DGAT2L6: variants seen among roughly 807,000 people sequenced by gnomAD.
DGAT2L6 encodes the protein diacylglycerol O-acyltransferase 2-like protein 6.
A neutral mutation model predicts 25.5 loss-of-function variants in DGAT2L6; 22 were observed. The observed-to-expected ratio is 0.86, with a 90% CI of 0.62 to 1.23. DGAT2L6 has a LOEUF of 1.23. DGAT2L6 is among the 50% of genes most tolerant of loss of function. The pLI, the probability that DGAT2L6 is intolerant of heterozygous loss-of-function variation, is 0.00. For missense variants in DGAT2L6, 287 were observed against 253.2 expected, an observed-to-expected ratio of 1.13 and a Z score of -0.91; for synonymous variants, 100 against 94.7, an observed-to-expected ratio of 1.06 and a Z score of -0.32.
intron 1 of DGAT2L6, among the ~76,000 whole-genome samples, chrX:70,182,409 C>T (rs189907169): frequency 3.8e-3 from 407 of 106,294 alleles, no homozygotes; most frequent in Non-Finnish European, 6.1e-3. Flanking sequence ...CGTCTAACCT[C>T]TGATCTCCAC....
chrX:70,196,495 A>AAAG (rs2085391779), intron 1 of DGAT2L6, among the ~76,000 whole-genome samples: 5 of 106,169 alleles, frequency 4.7e-5, no homozygotes, highest in African/African-American at 1.7e-4. Flanking sequence ...TCAAAAAAAA[A>AAAG]AAAAAAAGAA....
At position 70,204,386 on chromosome X, in the gene DGAT2L6, G is replaced by A. The variant is rs1417690176; in HGVS notation, c.729G>A (p.Arg243=). 5.5e-5 allele frequency: 67 copies of A among 1,209,231 alleles called. No individual in the cohort carries two copies. The highest frequency in any genetic ancestry group is 7.4e-5 in the Non-Finnish European group (66 of 895,009). Residue 243 remains arginine, a synonymous_variant, in exon 6 of 7, where the codon AGG becomes AGA. Coordinates refer to ENST00000333026, the MANE Select transcript of DGAT2L6 (RefSeq NM_198512.3). ...CCTTCCCTGAGGGCACGTGGTTAAG[G>A]TTGTTCCAAAAAACCTTCCAGGACA... ...QETFPEGTWL[R]LFQKTFQDTF...
intron 2 of DGAT2L6, among the ~76,000 whole-genome samples, 188 bp from the exon 3 acceptor site, chrX:70,199,624 C>T (rs1008132895): frequency 6.3e-5 from 7 of 111,486 alleles, no homozygotes; most frequent in African/African-American, 9.8e-5. Flanking sequence ...CCTTTCTGGT[C>T]GGCTCTAGAG....
At chrX:70,194,718 T>C (rs2085385550) in intron 1 of DGAT2L6, among the ~76,000 whole-genome samples, 1 of 112,029 alleles carries the variant, frequency 8.9e-6, no homozygotes, top group South Asian at 3.7e-4. Context: ...TCTTACCTTA[T>C]GACATACACA....
intron 1 of DGAT2L6, among the ~76,000 whole-genome samples, chrX:70,180,042 A>T (rs2085338706): frequency 9.0e-6 from 1 of 111,361 alleles, no homozygotes; most frequent in Non-Finnish European, 1.9e-5. Context: ...GAAGGTGAGG[A>T]TTAGCCTCCA....
intron 1 of DGAT2L6, among the ~76,000 whole-genome samples, chrX:70,194,777 A>C (rs762422375): frequency 7.1e-5 from 8 of 112,017 alleles, no homozygotes; most frequent in Non-Finnish European, 1.5e-4. Flanking sequence ...ACCTGAAATC[A>C]CTAAACTCCT....
intron 1 of DGAT2L6, among the ~76,000 whole-genome samples, chrX:70,192,804 C>G (rs2085379230): frequency 1.8e-5 from 2 of 110,342 alleles, no homozygotes; most frequent in Non-Finnish European, 3.8e-5. Context: ...GCTAAACTAA[C>G]CAAGGAAAAA....
chrX:70,190,455 C>T (rs1219535632), intron 1 of DGAT2L6, among the ~76,000 whole-genome samples: 2 of 111,727 alleles, frequency 1.8e-5, no homozygotes, highest in Non-Finnish European at 3.8e-5. Flanking sequence ...TTTGAGAGGG[C>T]AGGCCCACAC....
chrX:70,180,341 C>G (rs907648968), intron 1 of DGAT2L6, among the ~76,000 whole-genome samples: 2 of 110,089 alleles, frequency 1.8e-5, no homozygotes, highest in South Asian at 7.9e-4. Context: ...CCTAGCTACT[C>G]GGGAGGCTGA....
At chrX:70,196,414 G>A (rs1201141357) in intron 1 of DGAT2L6, among the ~76,000 whole-genome samples, 8 of 103,821 alleles carry the variant, frequency 7.7e-5, no homozygotes, top group African/African-American at 2.1e-4. Context: ...CCCAGGAAGC[G>A]GAGGTTGCAG....
rs2147610851 is a variant in DGAT2L6, at chrX:70,201,960, T to A, written c.543T>A (p.Val181=). The A allele has an allele frequency of 8.3e-7, 1 of 1,207,897 alleles. No individual in the cohort carries two copies. Among genetic ancestry groups the A allele is most frequent in the South Asian group, 1.8e-5 (1 of 56,473 alleles). The change falls in exon 5 of 7, where the codon GTT becomes GTA. Residue 181 remains valine (V), a synonymous_variant. Transcript: ENST00000333026. ...LTQKGSGNAV[V]IVVGGAAEAL... ...AGAAAGGCTCAGGCAATGCCGTGGT[T>A]ATTGTGGTGGGTGGAGCTGCTGAAG...
chrX:70,182,232 A>G (rs926599794), intron 1 of DGAT2L6, among the ~76,000 whole-genome samples: 1 of 110,833 alleles, frequency 9.0e-6, no homozygotes, highest in African/African-American at 3.3e-5. Context: ...GAACGAGAAA[A>G]TGGCTTGGAG....
intron 1 of DGAT2L6, among the ~76,000 whole-genome samples, chrX:70,181,016 G>A (rs756466316): frequency 1.8e-5 from 2 of 112,276 alleles, no homozygotes; most frequent in African/African-American, 3.2e-5. Flanking sequence ...GAACATAGAT[G>A]TACAAACATC....
chrX:70,184,466 CT>C (rs34580642), intron 1 of DGAT2L6, among the ~76,000 whole-genome samples: 39 of 107,344 alleles, frequency 3.6e-4, no homozygotes, highest in African/African-American at 1.2e-3. Flanking sequence ...TATTTTCTTT[CT>C]TTTTTTTTGG....
chrX:70,204,607 A>C, intron 6 of DGAT2L6, 91 bp downstream of exon 6: 2 of 1,035,859 alleles, frequency 1.9e-6, no homozygotes, highest in South Asian at 2.2e-5. Flanking sequence ...GACCCAACTC[A>C]CATCTGGGAT....
Position 70,177,524 on chromosome X carries a change from C to G in DGAT2L6, c.-59C>G. The G allele has an allele frequency of 9.6e-7, 1 of 1,044,212 alleles. No individual in the cohort carries two copies. The highest frequency in any genetic ancestry group is 1.9e-5 in the South Asian group (1 of 51,389). The allele number at this position is 1,044,212 out of a possible 1,213,427, so 86.1% of individuals were successfully genotyped here. A position where few individuals can be genotyped will look rare whatever the true frequency, so the allele number is the denominator to read the frequency against. The stretch of plus-strand genomic sequence containing the variant: ...AGCAAAGCATCTATAATCAACTCAG[C>G]TTAAGAAGTTTTGACCTTCTGGTTA... On this transcript the variant is annotated 5_prime_UTR_variant, in exon 1 of 7. Transcript: ENST00000333026.
chrX:70,200,428 C>T lies in DGAT2L6; in HGVS notation c.441C>T (p.Ile147=). The T allele has an allele frequency of 3.3e-6, 4 of 1,211,317 alleles. No individual in the cohort carries two copies. The highest frequency in any genetic ancestry group is 3.4e-6 in the Non-Finnish European group (3 of 895,159). ...FVGTLERIFW[I]PIVREYVMSM... is the part of the protein sequence containing the mutation. Reference sequence around the variant, plus strand: ...GGACCTTAGAAAGGATATTTTGGATCCCAATTGTGCGAGAATATGTGATGT... The same window carrying T: ...GGACCTTAGAAAGGATATTTTGGATTCCAATTGTGCGAGAATATGTGATGT... The change falls in exon 4 of 7, where the codon ATC becomes ATT. Residue 147 remains isoleucine, a synonymous_variant. Coordinates refer to ENST00000333026, the MANE Select transcript of DGAT2L6 (RefSeq NM_198512.3).
chrX:70,200,860 G>A (rs1454495375), intron 4 of DGAT2L6, among the ~76,000 whole-genome samples: 2 of 111,865 alleles, frequency 1.8e-5, no homozygotes, highest in Non-Finnish European at 3.8e-5. Flanking sequence ...GGCCTCTTTG[G>A]GCCGGTCATT....
chrX:70,189,731 G>A (rs2085370079), intron 1 of DGAT2L6, among the ~76,000 whole-genome samples: 1 of 112,052 alleles, frequency 8.9e-6, no homozygotes, highest in Non-Finnish European at 1.9e-5. Context: ...GCAAAAGGTT[G>A]TAATCTCTGT....
Sources: gnomAD v4.1 joint callset for allele counts (sites outside exome capture counted in the v4.1 genomes callset) on GRCh38, gnomAD v4.1.1 for gene constraint, MANE v1.5 for transcripts, NCBI Gene and HGNC (gene_info 2026-07-23, HGNC 2026-07-21) for gene names.